AP2A2: variants seen among roughly 807,000 people sequenced by gnomAD.
The protein encoded by AP2A2 is AP-2 complex subunit alpha-2.
In AP2A2, 32 loss-of-function variants were observed where a neutral mutation model predicts 104.2. The observed-to-expected ratio is 0.31, with a 90% CI of 0.23 to 0.41. The LOEUF (loss-of-function observed/expected upper bound fraction) is 0.41. Ranked by LOEUF, AP2A2 falls within the 10% of genes least tolerant of loss-of-function variation. The probability of loss-of-function intolerance (pLI) is 1.00; values close to 1 mark genes in which losing one functional copy is unlikely to be tolerated. For synonymous variants in AP2A2, 539 were observed against 533.3 expected (o/e 1.01, Z -0.15); for missense variants, 912 against 1,261.0 (o/e 0.72, Z 4.19).
intron 3 of AP2A2, 53 bp downstream of exon 3, chr11:970,364 C>G: frequency 6.3e-7 from 1 of 1,591,808 alleles, no homozygotes; most frequent in Non-Finnish European, 8.6e-7. Flanking sequence ...CCTGGCAGGA[C>G]TGAGGCCCGG....
chr11:973,757 T>C (rs1216671753), intron 4 of AP2A2, among the ~76,000 whole-genome samples: 1 of 152,210 alleles, frequency 6.6e-6, no homozygotes, highest in African/African-American at 2.4e-5. Flanking sequence ...GGCCACGGCC[T>C]CCTGGCCCTC....
intron 8 of AP2A2, among the ~76,000 whole-genome samples, chr11:986,408 C>T (rs1213965452): frequency 3.9e-5 from 6 of 152,226 alleles, no homozygotes; most frequent in Non-Finnish European, 5.9e-5. Context: ...GCCGCGCTCC[C>T]GGCCTTCTCG....
intron 2 of AP2A2, 99 bp downstream of exon 2, chr11:959,604 G>C: frequency 2.5e-6 from 2 of 789,372 alleles, no homozygotes; most frequent in Non-Finnish European, 4.1e-6. Flanking sequence ...CCACACTAAA[G>C]TGAAGTTCTC....
At chr11:936,219 T>G (rs1359853530) in intron 1 of AP2A2, among the ~76,000 whole-genome samples, 1 of 146,244 alleles carries the variant, frequency 6.8e-6, no homozygotes, top group African/African-American at 2.5e-5. Flanking sequence ...TTTTTTTTTT[T>G]TTTTTTTTTT....
In AP2A2 at chr11:948,378, C is replaced by T. The variant is rs1364394232; in HGVS notation, c.68-11059C>T. The T allele has an allele frequency of 3.9e-5, 6 of 152,148 alleles. No homozygotes were observed. The East Asian group carries it at 5.8e-4, about 15-fold the overall frequency. 9.4% of individuals were successfully genotyped at this position (152,148 alleles called of 1,614,324 possible). On this transcript the variant is annotated intron_variant, in intron 1 of 21. Transcript: ENST00000448903. Reference sequence around the variant, plus strand: ...TGAAATGGACAAATTCCTAGAAAGTCGTGACCGAAGCTAACTCAAGAAGAA... The same window carrying T: ...TGAAATGGACAAATTCCTAGAAAGTTGTGACCGAAGCTAACTCAAGAAGAA...
chr11:1,008,131 T>G lies in AP2A2; in HGVS notation c.2416T>G (p.Phe806Val). The G allele has an allele frequency of 4.4e-6, 7 of 1,605,528 alleles. No individual in the cohort carries two copies. Among genetic ancestry groups the G allele is most frequent in the Non-Finnish European group, 6.0e-6 (7 of 1,176,324 alleles). Reference protein sequence around the residue: ...FTEAPVLNIQFRYGGTFQNVS... With the variant: ...FTEAPVLNIQVRYGGTFQNVS... ...GGAGGCGCCAGTCCTCAACATTCAGTTCAGGTAAGAGCCGCCTGTGCGCCC... is the reference window on the plus strand; with the variant it reads ...GGAGGCGCCAGTCCTCAACATTCAGGTCAGGTAAGAGCCGCCTGTGCGCCC... The change falls in exon 18 of 22, where the codon TTC becomes GTC. Residue 806 changes from phenylalanine (F) to valine (V), a missense_variant. By Grantham distance (50) the Phe-to-Val change is conservative. This residue lies in a region of AP2A2 where 239 missense variants were observed against 329.8 expected (regional missense o/e 0.72). Transcript: ENST00000448903.
rs1041679719 is a variant in AP2A2 at position 988,782 on chromosome 11, A to G, written c.1269+93A>G. On this transcript the variant is annotated intron_variant, in intron 10 of 21. Transcript: ENST00000448903. ...GTGCTCTGCGATTCCGTCCAGCAGGACTTGATTGAGAACCCATGAGATGCT... is the reference window on the plus strand; with the variant it reads ...GTGCTCTGCGATTCCGTCCAGCAGGGCTTGATTGAGAACCCATGAGATGCT... The G allele has an allele frequency of 3.3e-6, 5 of 1,495,430 alleles. No homozygotes were observed. The East Asian group carries it at 9.1e-5, about 27-fold the overall frequency. 92.6% of individuals were successfully genotyped at this position (1,495,430 alleles called of 1,614,324 possible).
intron 6 of AP2A2, 189 bp downstream of exon 6, chr11:981,488 C>T (rs182269330): frequency 5.2e-6 from 3 of 573,752 alleles, no homozygotes; most frequent in Admixed American, 3.2e-5. Context: ...TCCCTGTTCC[C>T]ATGGTGTGAG....
At chr11:980,704 G>T (rs926171797) in intron 5 of AP2A2, among the ~76,000 whole-genome samples, 2 of 152,252 alleles carry the variant, frequency 1.3e-5, no homozygotes, top group African/African-American at 4.8e-5. Context: ...GACTGCCAGG[G>T]CCACTTTCCA....
intron 4 of AP2A2, among the ~76,000 whole-genome samples, chr11:976,062 G>T (rs1486052624): frequency 6.6e-6 from 1 of 152,202 alleles, no homozygotes; most frequent in Admixed American, 6.5e-5. Flanking sequence ...CCCAGTCATG[G>T]GGTCCTGAAG....
At chr11:959,288 G>T (rs1017348359) in intron 1 of AP2A2, 149 bp from the exon 2 acceptor site, 3 of 638,726 alleles carry the variant, frequency 4.7e-6, no homozygotes, top group Non-Finnish European at 8.5e-6. Context: ...CCGGCTCTGG[G>T]TTGGAGGCAG....
At chr11:994,285 C>T in intron 14 of AP2A2, 40 bp downstream of exon 14, 1 of 1,603,296 alleles carries the variant, frequency 6.2e-7, no homozygotes, top group South Asian at 1.1e-5. Flanking sequence ...CCTGTCAGGG[C>T]CTCACCCCCA....
At chr11:980,133 C>G (rs28415291) in intron 5 of AP2A2, among the ~76,000 whole-genome samples, 15 of 110 alleles carry the variant, frequency 0.14, no homozygotes, top group Non-Finnish European at 0.13. Flanking sequence ...CGGTGACAGG[C>G]TGCCCGGTGC....
chr11:985,749 G>T (rs1388467796), intron 8 of AP2A2, among the ~76,000 whole-genome samples, 167 bp downstream of exon 8: 1 of 152,060 alleles, frequency 6.6e-6, no homozygotes. Context: ...TGTGCAGCCC[G>T]GCCCCTCCTG....
At chr11:1,009,038 G>A (rs200545249) in intron 18 of AP2A2, 62 bp from the exon 19 acceptor site, 252 of 1,390,550 alleles carry the variant, frequency 1.8e-4, no homozygotes, top group Non-Finnish European at 2.4e-4. Context: ...GCTCTTTCCC[G>A]GTCCCTGGGG....
rs772065163 is a variant in AP2A2 at position 1,010,988 on chromosome 11, C to T, written c.*363C>T. On this transcript the variant is annotated 3_prime_UTR_variant, in exon 22 of 22. Transcript: ENST00000448903. ...GCCCGTGCTGCCGCCCACCCCGCCT[C>T]GGAGCCTCTGGGAGCAGCAGTGCCA... 4.2e-6 allele frequency: 3 copies of T among 706,820 alleles called. No homozygotes were observed. The highest frequency in any genetic ancestry group is 1.8e-5 in the Admixed American group (1 of 56,298). 43.8% of individuals were successfully genotyped at this position (706,820 alleles called of 1,614,324 possible).
intron 6 of AP2A2, among the ~76,000 whole-genome samples, chr11:981,501 A>AGCACCCAACACCATGTGGGTGGAGGAGGG (rs1855240216): frequency 6.6e-6 from 1 of 152,184 alleles, no homozygotes; most frequent in African/African-American, 2.4e-5. Flanking sequence ...GGTGTGAGTG[A>AGCACCCAACACCATGTGGGTGGAGGAGGG]GCACCCAACA....
At chr11:995,158 C>G (rs1038253120) in intron 14 of AP2A2, among the ~76,000 whole-genome samples, 2 of 152,216 alleles carry the variant, frequency 1.3e-5, no homozygotes, top group African/African-American at 4.8e-5. Context: ...GCCGTCCCCT[C>G]TCCTACAGGA....
chr11:974,001 C>T (rs954589177), intron 4 of AP2A2, among the ~76,000 whole-genome samples: 4 of 152,242 alleles, frequency 2.6e-5, no homozygotes, highest in Non-Finnish European at 4.4e-5. Context: ...TGGGGCACTA[C>T]CTGAACCGAG....
Sources: gnomAD v4.1 joint callset for allele counts (sites outside exome capture counted in the v4.1 genomes callset) on GRCh38, gnomAD v4.1.1 for gene constraint, gnomAD v4.1.1 regional missense constraint, MANE v1.5 for transcripts, NCBI Gene and HGNC (gene_info 2026-07-23, HGNC 2026-07-21) for gene names.